GALNT2: variants seen among roughly 807,000 people sequenced by gnomAD.
GALNT2 encodes the protein UDP-GalNAc:polypeptide N-acetylgalactosaminyltransferase 2.
Under a neutral mutation model 81.4 loss-of-function variants are expected in GALNT2, and 31 were observed. The observed-to-expected ratio is 0.38, with a 90% CI of 0.29 to 0.51. The LOEUF (loss-of-function observed/expected upper bound fraction) is 0.51. Ranked by LOEUF, GALNT2 falls within the 20% of genes least tolerant of loss-of-function variation. The probability of loss-of-function intolerance (pLI) is 0.87; values close to 1 mark genes in which losing one functional copy is unlikely to be tolerated. For missense variants in GALNT2, 629 were observed against 765.7 expected (o/e 0.82, Z 2.11); for synonymous variants, 303 against 287.4 (o/e 1.05, Z -0.55).
intron 1 of GALNT2, among the ~76,000 whole-genome samples, chr1:230,091,195 A>G (rs939853591): frequency 2.6e-5 from 4 of 151,736 alleles, no homozygotes; most frequent in African/African-American, 9.7e-5. Context: ...CAGCCTCCCA[A>G]GTAGCTGGGA....
chr1:230,102,399 G>A (rs1660428207), intron 1 of GALNT2, among the ~76,000 whole-genome samples: 3 of 152,230 alleles, frequency 2.0e-5, no homozygotes, highest in East Asian at 3.9e-4. Context: ...CAAAATAAAC[G>A]TGGCAATTTT....
intron 3 of GALNT2, among the ~76,000 whole-genome samples, chr1:230,212,849 T>C (rs984013075): frequency 3.9e-5 from 6 of 152,024 alleles, no homozygotes; most frequent in Non-Finnish European, 7.4e-5. Flanking sequence ...TGTTTCCTCT[T>C]TTTTTTTGGT....
intron 1 of GALNT2, among the ~76,000 whole-genome samples, chr1:230,127,984 G>C (rs1465130385): frequency 6.8e-6 from 1 of 148,000 alleles, no homozygotes; most frequent in Non-Finnish European, 1.5e-5. Flanking sequence ...GCCCCCAAGG[G>C]CTGTGTGGGG....
intron 1 of GALNT2, among the ~76,000 whole-genome samples, chr1:230,144,644 G>C (rs1021944607): frequency 2.1e-4 from 32 of 152,016 alleles, no homozygotes; most frequent in Non-Finnish European, 4.4e-5. Context: ...GTTTATGCCT[G>C]TGTGTGTGTG....
chr1:230,173,310 C>A (rs1558123576), intron 1 of GALNT2, among the ~76,000 whole-genome samples: 1 of 152,108 alleles, frequency 6.6e-6, no homozygotes, highest in Non-Finnish European at 1.5e-5. Context: ...TTCTCCTGTC[C>A]CATGTTTCTC....
chr1:230,196,255 C>T (rs1045890196), intron 2 of GALNT2, among the ~76,000 whole-genome samples: 2 of 152,194 alleles, frequency 1.3e-5, no homozygotes, highest in Non-Finnish European at 2.9e-5. Context: ...CTGGCAGGCT[C>T]CTGCTCACGC....
intron 1 of GALNT2, among the ~76,000 whole-genome samples, chr1:230,148,063 A>G (rs1381536426): frequency 6.6e-6 from 1 of 151,932 alleles, no homozygotes; most frequent in East Asian, 1.9e-4. Context: ...CCTCTTACAT[A>G]CCTGTGTGTG....
chr1:230,180,166 G>T (rs541356058), intron 2 of GALNT2, among the ~76,000 whole-genome samples: 4 of 152,070 alleles, frequency 2.6e-5, no homozygotes, highest in Admixed American at 1.3e-4. Context: ...TGATCCGCCC[G>T]CCTCGGCCTC....
intron 1 of GALNT2, among the ~76,000 whole-genome samples, chr1:230,068,253 G>T (rs1258084801): frequency 1.3e-5 from 2 of 152,256 alleles, no homozygotes; most frequent in Non-Finnish European, 2.9e-5. Context: ...TCCTCGTGCC[G>T]CCGCTCCGGA....
intron 2 of GALNT2, among the ~76,000 whole-genome samples, chr1:230,183,018 C>T (rs754090889): frequency 2.0e-5 from 3 of 152,164 alleles, no homozygotes; most frequent in Non-Finnish European, 4.4e-5. Context: ...GTCTTGATCC[C>T]TTAAAAATTC....
intron 11 of GALNT2, among the ~76,000 whole-genome samples, chr1:230,256,097 A>C (rs559120023): frequency 6.6e-6 from 1 of 152,244 alleles, no homozygotes; most frequent in African/African-American, 2.4e-5. Flanking sequence ...CCCCCCCATG[A>C]GAGTGGAGCC....
rs901525291 is a variant in GALNT2 at position 230,263,846 on chromosome 1, C to T, written c.1313+841C>T. On this transcript the variant is annotated intron_variant, in intron 13 of 15. Transcript: ENST00000366672. ...GCAAGACTTGCCACCATTATCTTTCCGCTAACAGCTCCTTCAGAGCCCTTG... is the reference window on the plus strand; with the variant it reads ...GCAAGACTTGCCACCATTATCTTTCTGCTAACAGCTCCTTCAGAGCCCTTG... 6 of 152,356 alleles carry T rather than the reference C, an allele frequency of 3.9e-5. No homozygotes were observed. In the East Asian group the frequency reaches 7.7e-4, roughly 20 times the overall value. The allele number at this position is 152,356 out of a possible 1,614,324, so 9.4% of individuals were successfully genotyped here.
rs543450293 is a variant in GALNT2, at chr1:230,218,339, G to T, written c.374+15049G>T. Reference sequence around the variant, plus strand: ...GGAGCAGTACAACCTCCTGGTTAAGGTGTGGATGCTGGCACCAGGTCTCCC... The same window carrying T: ...GGAGCAGTACAACCTCCTGGTTAAGTTGTGGATGCTGGCACCAGGTCTCCC... On this transcript the variant is annotated intron_variant, in intron 3 of 15. Transcript: ENST00000366672. 2.0e-5 allele frequency among the ~76,000 whole-genome samples: 3 copies of T among 152,342 alleles called. No homozygotes were observed. The East Asian group carries it at 5.8e-4, about 29-fold the overall frequency.
At chr1:230,276,431 A>G (rs1572167423) in intron 15 of GALNT2, among the ~76,000 whole-genome samples, 1 of 152,018 alleles carries the variant, frequency 6.6e-6, no homozygotes, top group African/African-American at 2.4e-5. Flanking sequence ...GAGGCACAGA[A>G]CCTACTGGAG....
intron 1 of GALNT2, among the ~76,000 whole-genome samples, chr1:230,135,221 G>A (rs1016218752): frequency 2.0e-5 from 3 of 151,978 alleles, no homozygotes; most frequent in Non-Finnish European, 4.4e-5. Context: ...AAATGGTAGA[G>A]ACAGTGTCCT....
intron 15 of GALNT2, among the ~76,000 whole-genome samples, chr1:230,278,396 A>T (rs957153377): frequency 2.0e-5 from 3 of 151,960 alleles, no homozygotes; most frequent in Non-Finnish European, 4.4e-5. Context: ...AAGTGCTGGG[A>T]TTAGTGTCGT....
At chr1:230,240,045 T>C (rs1665152098) in intron 6 of GALNT2, among the ~76,000 whole-genome samples, 3 of 152,228 alleles carry the variant, frequency 2.0e-5, no homozygotes, top group Admixed American at 2.0e-4. Context: ...CTTCAAATAG[T>C]CAGTATCTAT....
chr1:230,189,202 G>A (rs891367185), intron 2 of GALNT2, among the ~76,000 whole-genome samples: 3 of 152,182 alleles, frequency 2.0e-5, no homozygotes, highest in African/African-American at 7.2e-5. Context: ...CTTGTGTAAA[G>A]GGCTGAGGCT....
At chr1:230,227,739 A>T (rs1468539003) in intron 3 of GALNT2, among the ~76,000 whole-genome samples, 1 of 152,148 alleles carries the variant, frequency 6.6e-6, no homozygotes, top group Non-Finnish European at 1.5e-5. Flanking sequence ...CCTTCACCTG[A>T]TGAAAGGCAT....
Sources: gnomAD v4.1 joint callset for allele counts (sites outside exome capture counted in the v4.1 genomes callset) on GRCh38, gnomAD v4.1.1 for gene constraint, MANE v1.5 for transcripts, NCBI Gene and HGNC (gene_info 2026-07-23, HGNC 2026-07-21) for gene names.